The following PDE8A variants were observed in gnomAD, a reference collection of about 807,000 sequenced individuals.
PDE8A encodes phosphodiesterase 8A.
A neutral mutation model predicts 105.0 loss-of-function variants in PDE8A; 59 were observed. That is an observed-to-expected ratio of 0.56 (90% confidence interval 0.46 to 0.70). PDE8A has a LOEUF of 0.70. PDE8A is among the 30% of genes least tolerant of loss of function. The pLI is 0.00. For missense variants in PDE8A, 1,014 were observed against 1,045.9 expected (o/e 0.97, Z 0.42); for synonymous variants, 355 against 371.9 (o/e 0.95, Z 0.52).
At chr15:85,017,920 T>C (rs1221658825) in intron 1 of PDE8A, among the ~76,000 whole-genome samples, 1 of 132,130 alleles carries the variant, frequency 7.6e-6, no homozygotes, top group Non-Finnish European at 1.6e-5. Flanking sequence ...GAGGAAATTA[T>C]GTGGAGAAAG....
intron 1 of PDE8A, among the ~76,000 whole-genome samples, chr15:84,985,207 A>G (rs2079783259): frequency 6.6e-6 from 1 of 152,238 alleles, no homozygotes; most frequent in Non-Finnish European, 1.5e-5. Context: ...CAAGAAATAT[A>G]ATTAACAGTA....
chr15:84,999,463 C>T (rs932372421), intron 1 of PDE8A, among the ~76,000 whole-genome samples: 1 of 152,148 alleles, frequency 6.6e-6, no homozygotes, highest in African/African-American at 2.4e-5. Flanking sequence ...CTCATTCATT[C>T]AGCAAACCTT....
intron 16 of PDE8A, 67 bp downstream of exon 16, chr15:85,116,186 G>T: frequency 6.6e-7 from 1 of 1,518,956 alleles, no homozygotes; most frequent in African/African-American, 1.4e-5. Context: ...GAGGCTACCT[G>T]AGGAGTATGG....
intron 1 of PDE8A, among the ~76,000 whole-genome samples, chr15:85,005,403 A>T (rs1480542144): frequency 6.6e-6 from 1 of 152,210 alleles, no homozygotes; most frequent in African/African-American, 2.4e-5. Flanking sequence ...AGTATGTGCC[A>T]CTGTGCCCAG....
intron 1 of PDE8A, among the ~76,000 whole-genome samples, chr15:85,054,702 C>G (rs1555471105): frequency 6.6e-6 from 1 of 151,564 alleles, no homozygotes; most frequent in Non-Finnish European, 1.5e-5. Flanking sequence ...TGATTCTTCT[C>G]TCTTCTTTGT....
Position 85,067,185 on chromosome 15 carries a change from G to C in PDE8A, c.415G>C (p.Asp139His). ...AGACCACAGAAATCCTCGACAGCTGGATGCAGAGGCACTGTGCAGGTAAGC... is the reference window on the plus strand; with the variant it reads ...AGACCACAGAAATCCTCGACAGCTGCATGCAGAGGCACTGTGCAGGTAAGC... ...IIDHRNPRQL[D>H]AEALCRSIRS... Residue 139 changes from aspartate (D) to histidine (H), a missense_variant, in exon 3 of 22, where the codon GAT becomes CAT. By Grantham distance (81) the Asp-to-His change is moderately conservative. Coordinates refer to ENST00000394553, the MANE Select transcript of PDE8A (RefSeq NM_002605.3). 6.2e-7 allele frequency: 1 copy of C among 1,613,680 alleles called. No homozygotes were observed. The highest frequency in any genetic ancestry group is 8.5e-7 in the Non-Finnish European group (1 of 1,179,768).
chr15:85,110,640 C>T (rs143609879), intron 12 of PDE8A, among the ~76,000 whole-genome samples: 9 of 152,294 alleles, frequency 5.9e-5, no homozygotes, highest in Non-Finnish European at 1.3e-4. Flanking sequence ...CCTTATTGCT[C>T]AGTAGTATTC....
At chr15:85,060,394 A>G (rs2081124866) in intron 1 of PDE8A, among the ~76,000 whole-genome samples, 1 of 152,232 alleles carries the variant, frequency 6.6e-6, no homozygotes, top group Non-Finnish European at 1.5e-5. Context: ...GGTGGGTTCC[A>G]CGTCCATGGA....
chr15:84,990,236 G>A (rs1041263615), intron 1 of PDE8A, among the ~76,000 whole-genome samples: 2 of 152,134 alleles, frequency 1.3e-5, no homozygotes, highest in African/African-American at 4.8e-5. Context: ...ATTTTTAAAT[G>A]TGAAATGCCA....
chr15:85,108,998 C>T, intron 11 of PDE8A, 55 bp from the exon 12 acceptor site: 1 of 1,250,686 alleles, frequency 8.0e-7, no homozygotes, highest in East Asian at 2.3e-5. Flanking sequence ...GGTAACCTTC[C>T]TTAATATGTT....
chr15:85,098,624 A>G (rs1490380129), intron 9 of PDE8A, among the ~76,000 whole-genome samples: 7 of 152,208 alleles, frequency 4.6e-5, no homozygotes. Context: ...AGAAATGATG[A>G]TCATATTCAC....
intron 17 of PDE8A, among the ~76,000 whole-genome samples, chr15:85,119,376 GA>G (rs1421759623): frequency 6.7e-6 from 1 of 149,546 alleles, no homozygotes; most frequent in African/African-American, 2.5e-5. Context: ...GCTGAGGCAG[GA>G]GAATCACTTG....
At chr15:84,997,375 T>C (rs1331488019) in intron 1 of PDE8A, among the ~76,000 whole-genome samples, 1 of 151,860 alleles carries the variant, frequency 6.6e-6, no homozygotes, top group East Asian at 1.9e-4. Flanking sequence ...TTGTATTTTT[T>C]TGTAGAGATG....
intron 1 of PDE8A, among the ~76,000 whole-genome samples, chr15:85,056,181 G>C (rs976508979): frequency 6.6e-6 from 1 of 152,216 alleles, no homozygotes; most frequent in Non-Finnish European, 1.5e-5. Context: ...GATATCAGCT[G>C]TTAGTCTGAT....
chr15:84,986,575 T>C (rs181162578), intron 1 of PDE8A, among the ~76,000 whole-genome samples: 44 of 152,134 alleles, frequency 2.9e-4, no homozygotes, highest in Admixed American at 2.7e-3. Context: ...GGAATAAAAT[T>C]TATTGCCTGC....
intron 1 of PDE8A, among the ~76,000 whole-genome samples, chr15:85,058,050 C>T (rs1030190352): frequency 1.4e-4 from 21 of 152,118 alleles, no homozygotes; most frequent in African/African-American, 3.9e-4. Flanking sequence ...GATAGAGTCT[C>T]ACTTTGTTAC....
At chr15:85,034,360 A>C (rs1467703149) in intron 1 of PDE8A, among the ~76,000 whole-genome samples, 1 of 152,240 alleles carries the variant, frequency 6.6e-6, no homozygotes, top group Non-Finnish European at 1.5e-5. Context: ...AGATAACTGG[A>C]AAAACTACAG....
intron 11 of PDE8A, among the ~76,000 whole-genome samples, chr15:85,108,416 T>G (rs573985066): frequency 1.6e-4 from 24 of 152,164 alleles, no homozygotes; most frequent in African/African-American, 5.5e-4. Flanking sequence ...ACCCAGCAGG[T>G]GCACAGAGAA....
At chr15:85,086,754 A>G (rs960299540) in intron 6 of PDE8A, among the ~76,000 whole-genome samples, 4 of 151,502 alleles carry the variant, frequency 2.6e-5, no homozygotes, top group African/African-American at 9.7e-5. Context: ...TTTATTTTTT[A>G]TTTTTTTATT....
Sources: allele counts gnomAD v4.1 joint callset (sites outside exome capture counted in the v4.1 genomes callset), GRCh38; gene constraint gnomAD v4.1.1; transcripts MANE v1.5; gene names NCBI Gene and HGNC (gene_info 2026-07-23, HGNC 2026-07-21).